DCC: variants seen among roughly 807,000 people sequenced by gnomAD.
DCC encodes the protein netrin receptor DCC.
DCC carries 58 observed loss-of-function variants against 172.5 expected under a neutral mutation model. The observed-to-expected ratio is 0.34, with a 90% CI of 0.27 to 0.42. The LOEUF is 0.42. Ranked by LOEUF, DCC falls within the 10% of genes least tolerant of loss-of-function variation. The pLI, the probability that DCC is intolerant of heterozygous loss-of-function variation, is 1.00. For missense variants in DCC, 1,740 were observed against 1,791.0 expected (o/e 0.97, Z 0.51); for synonymous variants, 709 against 644.5 (o/e 1.10, Z -1.52).
chr18:52,692,884 G>T (rs186061566), intron 1 of DCC, among the ~76,000 whole-genome samples: 35 of 152,258 alleles, frequency 2.3e-4, no homozygotes, highest in Non-Finnish European at 3.4e-4. Context: ...TAAAAAATGA[G>T]AGGCAAGACA....
intron 17 of DCC, among the ~76,000 whole-genome samples, chr18:53,393,914 C>CCTCTCTCTCTCTCACTCT (rs1323959382): frequency 9.3e-6 from 1 of 108,050 alleles, no homozygotes; most frequent in South Asian, 2.6e-4. Flanking sequence ...TCTCTCTCTC[C>CCTCTCTCTCTCTCACTCT]CTCTCTCCCT....
At chr18:53,459,483 G>C in intron 24 of DCC, 25 bp downstream of exon 24, 1 of 1,449,348 alleles carries the variant, frequency 6.9e-7, no homozygotes, top group South Asian at 1.1e-5. Flanking sequence ...ACTGGCATTA[G>C]GGAAAACATA....
chr18:53,427,889 A>G (rs1193350880), intron 21 of DCC, among the ~76,000 whole-genome samples: 1 of 89,274 alleles, frequency 1.1e-5, no homozygotes, highest in South Asian at 3.4e-4. Context: ...CATATATAAT[A>G]TAATAAATTA....
chr18:52,412,355 T>C (rs556861016), intron 1 of DCC, among the ~76,000 whole-genome samples: 3 of 152,256 alleles, frequency 2.0e-5, no homozygotes, highest in Non-Finnish European at 4.4e-5. Context: ...AAATAAGACA[T>C]ATTTTCTGCC....
chr18:53,472,998 T>C (rs1352767673), intron 25 of DCC, among the ~76,000 whole-genome samples: 6 of 152,190 alleles, frequency 3.9e-5, no homozygotes, highest in Admixed American at 3.9e-4. Flanking sequence ...ATTTGTTTTT[T>C]CCCTTTACAT....
At chr18:53,303,970 T>C (rs2057170399) in intron 12 of DCC, among the ~76,000 whole-genome samples, 1 of 152,118 alleles carries the variant, frequency 6.6e-6, no homozygotes, top group African/African-American at 2.4e-5. Context: ...AGTGGGAAGA[T>C]GATCTTCCCC....
intron 1 of DCC, among the ~76,000 whole-genome samples, chr18:52,468,389 A>G (rs111280184): frequency 4.8e-4 from 73 of 152,352 alleles, no homozygotes; most frequent in African/African-American, 1.6e-3. Flanking sequence ...TTCCAAGTGA[A>G]TCTTTCAAAC....
intron 12 of DCC, among the ~76,000 whole-genome samples, chr18:53,261,370 T>C (rs1225936077): frequency 6.6e-6 from 1 of 152,186 alleles, no homozygotes; most frequent in African/African-American, 2.4e-5. Context: ...ACGTTTTGTG[T>C]CCTCTTCTCC....
intron 8 of DCC, among the ~76,000 whole-genome samples, chr18:53,170,605 TTTG>T (rs1413856274): frequency 2.6e-5 from 4 of 152,202 alleles, no homozygotes; most frequent in African/African-American, 9.6e-5. Flanking sequence ...GTGGTGGTAT[TTTG>T]TTATTATAAA....
chr18:52,845,944 C>T (rs1184697953), intron 2 of DCC, among the ~76,000 whole-genome samples: 1 of 152,266 alleles, frequency 6.6e-6, no homozygotes, highest in African/African-American at 2.4e-5. Context: ...ACTTAAGTTT[C>T]CTTTTACTGT....
chr18:52,870,809 A>G (rs1255267944), intron 2 of DCC, among the ~76,000 whole-genome samples: 1 of 151,808 alleles, frequency 6.6e-6, no homozygotes, highest in Non-Finnish European at 1.5e-5. Context: ...CTATCTTGGA[A>G]AAAATCTTAA....
intron 1 of DCC, among the ~76,000 whole-genome samples, chr18:52,610,178 AATATATATATATATATATAT>A (rs1158849717): frequency 0.095 from 1,333 of 14,024 alleles, 152 homozygotes; most frequent in African/African-American, 0.14. Context: ...AAAAAAAAAA[AATATATATATATATATATAT>A]ATATATATAT....
chr18:52,598,681 A>T (rs1425125311), intron 1 of DCC, among the ~76,000 whole-genome samples: 1 of 152,228 alleles, frequency 6.6e-6, no homozygotes, highest in Non-Finnish European at 1.5e-5. Flanking sequence ...TGGTAGTCAA[A>T]TGAAAATTTG....
At chr18:52,469,493 T>C (rs1988885781) in intron 1 of DCC, among the ~76,000 whole-genome samples, 1 of 152,230 alleles carries the variant, frequency 6.6e-6, no homozygotes, top group South Asian at 2.1e-4. Context: ...TATTTGAATA[T>C]ACTTATTTTA....
chr18:52,362,741 T>C (rs1376095574), intron 1 of DCC, among the ~76,000 whole-genome samples: 1 of 151,876 alleles, frequency 6.6e-6, no homozygotes, highest in Non-Finnish European at 1.5e-5. Context: ...AGGTTGGGAG[T>C]GGGAGCAGAA....
At chr18:52,759,991 G>C (rs143699001) in intron 2 of DCC, among the ~76,000 whole-genome samples, 1 of 152,310 alleles carries the variant, frequency 6.6e-6, no homozygotes, top group Non-Finnish European at 1.5e-5. Context: ...GGGGGAACTT[G>C]AGTAAGGTCT....
intron 5 of DCC, among the ~76,000 whole-genome samples, chr18:52,951,339 A>G (rs2040643075): frequency 1.3e-5 from 2 of 152,144 alleles, no homozygotes; most frequent in African/African-American, 4.8e-5. Flanking sequence ...ACAGGTATAC[A>G]TGTGCCACGG....
chr18:52,403,952 C>T (rs1482874255), intron 1 of DCC, among the ~76,000 whole-genome samples: 2 of 151,972 alleles, frequency 1.3e-5, no homozygotes, highest in Non-Finnish European at 2.9e-5. Context: ...TAGTCATGGG[C>T]AATTAGTAAG....
intron 15 of DCC, among the ~76,000 whole-genome samples, chr18:53,351,353 AG>A (rs2057799167): frequency 1.2e-4 from 6 of 51,534 alleles, no homozygotes; most frequent in African/African-American, 3.4e-4. Context: ...ATATATACAC[AG>A]TATATATATA....
Sources: gnomAD v4.1 joint callset for allele counts (sites outside exome capture counted in the v4.1 genomes callset) on GRCh38, gnomAD v4.1.1 for gene constraint, MANE v1.5 for transcripts, NCBI Gene and HGNC (gene_info 2026-07-23, HGNC 2026-07-21) for gene names.